The following PDZRN3 variants were observed in gnomAD, a reference collection of about 807,000 sequenced individuals.
PDZRN3 encodes the protein E3 ubiquitin-protein ligase PDZRN3.
Under a neutral mutation model 85.7 loss-of-function variants are expected in PDZRN3, and 38 were observed. The observed-to-expected ratio is 0.44, with a 90% confidence interval of 0.34 to 0.58. PDZRN3 has a LOEUF of 0.58. Among genes scored for constraint, PDZRN3 ranks in the 20% least tolerant of loss-of-function variants. The pLI is 0.01. For missense variants in PDZRN3, 1,629 were observed against 1,506.4 expected (o/e 1.08, Z -1.35); for synonymous variants, 759 against 638.0 (o/e 1.19, Z -2.86).
intron 3 of PDZRN3, among the ~76,000 whole-genome samples, chr3:73,540,110 A>C (rs1453442036): frequency 6.9e-6 from 1 of 145,078 alleles, no homozygotes; most frequent in African/African-American, 2.7e-5. Flanking sequence ...AAAAAAAAAA[A>C]ACAGTTCTCA....
chr3:73,471,575 G>A lies in PDZRN3; in HGVS notation c.919-67180C>T, dbSNP rs139270784. ...CCTGCCATATGCATGTCTTGGAGCC[G>A]GGCCATGTCCTCTGAGGGGTCCTCA... On this transcript the variant is annotated intron_variant, in intron 3 of 9. Coordinates refer to ENST00000263666, the MANE Select transcript of PDZRN3 (RefSeq NM_015009.3). Among the ~76,000 whole-genome samples the A allele has an allele frequency of 5.5e-3, 843 of 152,180 alleles. 1 individual carries two copies. Among genetic ancestry groups the A allele is most frequent in the Non-Finnish European group, 8.9e-3 (605 of 68,016 alleles).
Position 73,621,497 on chromosome 3 carries a change from C to T in PDZRN3, c.723+2606G>A, listed in dbSNP as rs146514150. Among the ~76,000 whole-genome samples the T allele has an allele frequency of 6.9e-3, 1,053 of 152,288 alleles. 17 individuals are homozygous for T. Among genetic ancestry groups the T allele is most frequent in the African/African-American group, 0.024 (1,002 of 41,560 alleles). On this transcript the variant is annotated intron_variant, in intron 1 of 9. Coordinates refer to ENST00000263666, the MANE Select transcript of PDZRN3 (RefSeq NM_015009.3). ...GAGAATAAACAGTACCCAGCAGGAG[C>T]AGAGAGCCGGCCCAATGAAATAAAC... is the stretch of plus-strand genomic sequence containing the variant.
At chr3:73,573,921 T>C (rs1240003206) in intron 3 of PDZRN3, among the ~76,000 whole-genome samples, 1 of 152,032 alleles carries the variant, frequency 6.6e-6, no homozygotes, top group Non-Finnish European at 1.5e-5. Context: ...TCACAGCAAA[T>C]ATAGAAGGGT....
At chr3:73,424,337 C>T (rs1469440550) in intron 3 of PDZRN3, among the ~76,000 whole-genome samples, 1 of 133,246 alleles carries the variant, frequency 7.5e-6, no homozygotes, top group African/African-American at 2.9e-5. Flanking sequence ...TGAGACCATC[C>T]TGGCTAACAT....
rs1264714719 is a variant in PDZRN3, at chr3:73,384,272, C to T, written c.2294G>A (p.Arg765His). The change falls in exon 10 of 10, where the codon CGC (arginine) becomes CAC (histidine). Residue 765 changes from arginine to histidine, a missense_variant. Physicochemically the swap from Arg to His is conservative, Grantham distance 29. Coordinates refer to ENST00000263666, the MANE Select transcript of PDZRN3 (RefSeq NM_015009.3). ...GATCTCCAGGGTGAGCGGGGTGCTG[C>T]GGCAGCTCTCGCCTGTGTTGTAGGC... ...SSAYNTGESC[R>H]STPLTLEISP... The T allele has an allele frequency of 2.5e-6, 4 of 1,612,850 alleles. No homozygotes were observed. The highest frequency in any genetic ancestry group is 1.3e-5 in the African/African-American group (1 of 75,050).
intron 3 of PDZRN3, among the ~76,000 whole-genome samples, chr3:73,510,268 C>A (rs1316411530): frequency 6.6e-6 from 1 of 152,182 alleles, no homozygotes; most frequent in African/African-American, 2.4e-5. Context: ...AAATATAGTT[C>A]ATGGGTATGT....
At chr3:73,498,818 C>T (rs745767904) in intron 3 of PDZRN3, among the ~76,000 whole-genome samples, 1 of 152,222 alleles carries the variant, frequency 6.6e-6, no homozygotes, top group Non-Finnish European at 1.5e-5. Context: ...CTCCTGACTT[C>T]GTGATCCACC....
At position 73,600,337 on chromosome 3, in the gene PDZRN3, A is replaced by ACACACACTCT. The variant is rs34405662; in HGVS notation, c.918+2016_918+2017insAGAGTGTGTG. 5.3e-3 allele frequency among the ~76,000 whole-genome samples: 534 copies of ACACACACTCT among 100,062 alleles called. 8 individuals are homozygous for ACACACACTCT. Among genetic ancestry groups the ACACACACTCT allele is most frequent in the African/African-American group, 0.018 (430 of 23,422 alleles). 65.6% of individuals were successfully genotyped at this position (100,062 alleles called of 152,430 possible). On this transcript the variant is annotated intron_variant, in intron 3 of 9. Coordinates refer to ENST00000263666, the MANE Select transcript of PDZRN3 (RefSeq NM_015009.3). ...CACACACACACACACACACACACAC[A>ACACACACTCT]CTCTCTCTCTCTCTCTCTCTCTCTC... is the stretch of plus-strand genomic sequence containing the variant.
chr3:73,610,091 A>G (rs957413978), intron 1 of PDZRN3, among the ~76,000 whole-genome samples: 1 of 152,236 alleles, frequency 6.6e-6, no homozygotes, highest in East Asian at 1.9e-4. Flanking sequence ...AGACATTTTC[A>G]GAACTTTCTT....
At chr3:73,431,753 A>G (rs1702435694) in intron 3 of PDZRN3, among the ~76,000 whole-genome samples, 1 of 152,140 alleles carries the variant, frequency 6.6e-6, no homozygotes, top group Admixed American at 6.5e-5. Context: ...TTTATCAGCA[A>G]TTTACTGAGC....
At chr3:73,390,922 A>C (rs990230279) in intron 6 of PDZRN3, 96 bp downstream of exon 6, 2 of 741,618 alleles carry the variant, frequency 2.7e-6, no homozygotes, top group African/African-American at 1.8e-5. Flanking sequence ...CTTTCCAAAG[A>C]GATCTTGATG....
intron 3 of PDZRN3, among the ~76,000 whole-genome samples, chr3:73,583,361 T>C (rs1275741087): frequency 6.6e-6 from 1 of 152,258 alleles, no homozygotes; most frequent in African/African-American, 2.4e-5. Context: ...AAATTCTTCC[T>C]ACATAAGCAC....
intron 3 of PDZRN3, among the ~76,000 whole-genome samples, chr3:73,562,983 TTATATATATA>T (rs56679097): frequency 0.036 from 688 of 18,954 alleles, 44 homozygotes; most frequent in African/African-American, 0.09. Context: ...AGTTGGCAAA[TTATATATATA>T]TATATATATA....
chr3:73,389,901 C>A lies in PDZRN3; in HGVS notation c.1354-23G>T, dbSNP rs781199595. On this transcript the variant is annotated intron_variant, in intron 6 of 9. Coordinates refer to ENST00000263666, the MANE Select transcript of PDZRN3 (RefSeq NM_015009.3). ...AATCTGAAACACACATGGACCATCT[C>A]AGCGCAAACGCAGACATGCATGAAA... is the stretch of plus-strand genomic sequence containing the variant. 1.9e-6 allele frequency: 3 copies of A among 1,590,294 alleles called. No homozygotes were observed. In the African/African-American group the frequency reaches 4.0e-5, roughly 21 times the overall value.
In PDZRN3 at chr3:73,388,084, G is replaced by T; in HGVS notation, c.1417-15C>A. On this transcript the variant is annotated splice_polypyrimidine_tract_variant and intron_variant, in intron 7 of 9. Transcript: ENST00000263666. ...ATCCCATTAATCTTTTAAAAAAAAA[G>T]GGGGGGTGGGGAGAGTGGGGAGACA... 2 of 689,322 alleles carry T rather than the reference G, an allele frequency of 2.9e-6. No individual in the cohort carries two copies. The highest frequency in any genetic ancestry group is 3.3e-5 in the Admixed American group (1 of 30,682). 42.7% of individuals were successfully genotyped at this position (689,322 alleles called of 1,614,324 possible). A position where few individuals can be genotyped will look rare whatever the true frequency, so the allele number is the denominator to read the frequency against.
intron 1 of PDZRN3, among the ~76,000 whole-genome samples, chr3:73,613,857 C>T (rs1166927930): frequency 6.6e-6 from 1 of 152,038 alleles, no homozygotes; most frequent in Non-Finnish European, 1.5e-5. Flanking sequence ...AAACCCAATT[C>T]AAGAGGTTAG....
At chr3:73,473,592 A>G (rs1703390865) in intron 3 of PDZRN3, among the ~76,000 whole-genome samples, 1 of 152,236 alleles carries the variant, frequency 6.6e-6, no homozygotes, top group African/African-American at 2.4e-5. Context: ...ATCATGAATC[A>G]GATGACATGC....
intron 3 of PDZRN3, among the ~76,000 whole-genome samples, chr3:73,435,030 A>G (rs1702504825): frequency 6.6e-6 from 1 of 152,194 alleles, no homozygotes; most frequent in Non-Finnish European, 1.5e-5. Flanking sequence ...CCATTTTACA[A>G]AGGTTTCATT....
intron 3 of PDZRN3, among the ~76,000 whole-genome samples, chr3:73,431,008 C>T (rs1702420062): frequency 6.6e-6 from 1 of 152,142 alleles, no homozygotes; most frequent in Admixed American, 6.5e-5. Flanking sequence ...GCCCTGCAAC[C>T]CCCACCACCT....
Sources: allele counts gnomAD v4.1 joint callset (sites outside exome capture counted in the v4.1 genomes callset), GRCh38; gene constraint gnomAD v4.1.1; transcripts MANE v1.5; gene names NCBI Gene and HGNC (gene_info 2026-07-23, HGNC 2026-07-21).